The following ENKUR variants were observed in gnomAD, a reference collection of about 807,000 sequenced individuals.
The protein encoded by ENKUR is enkurin, TRPC channel interacting protein, also known as enkurin.
Under a neutral mutation model 27.6 loss-of-function variants are expected in ENKUR, and 19 were observed. The observed-to-expected ratio is 0.69, with a 90% confidence interval of 0.48 to 1.01. The LOEUF (loss-of-function observed/expected upper bound fraction) is 1.01. Ranked by LOEUF, ENKUR falls within the 50% of genes least tolerant of loss-of-function variation. ENKUR has a pLI of 0.00. For synonymous variants in ENKUR, 117 were observed against 96.9 expected (o/e 1.21, Z -1.22); for missense variants, 312 against 310.5 (o/e 1.00, Z -0.04).
chr10:25,039,868 C>T (rs1188100849), intron 2 of ENKUR, among the ~76,000 whole-genome samples: 3 of 151,002 alleles, frequency 2.0e-5, no homozygotes, highest in Non-Finnish European at 4.4e-5. Flanking sequence ...AGCATGGGTG[C>T]AGCACACCAA....
chr10:25,060,136 T>C (rs1851310069), intron 2 of ENKUR, among the ~76,000 whole-genome samples: 1 of 152,134 alleles, frequency 6.6e-6, no homozygotes. Flanking sequence ...TGTCTGTACG[T>C]CTGTACAAGG....
Position 24,988,664 on chromosome 10 carries a change from GTATATATATATATATATATATATATATA to G in ENKUR, c.594+1771_594+1798del, listed in dbSNP as rs66687937. Among the ~76,000 whole-genome samples, 128 of 98,878 alleles carry G rather than the reference GTATATATATATATATATATATATATATA, an allele frequency of 1.3e-3. 1 individual carries two copies. Among genetic ancestry groups the G allele is most frequent in the Middle Eastern group, 0.012 (2 of 166 alleles). 64.9% of individuals were successfully genotyped at this position (98,878 alleles called of 152,430 possible). ...GAAAATGTAGAGTGACACAGCATATGTATATATATATATATATATATATATATATATATATATATATATATATATATAT... is the reference window on the plus strand; with the variant it reads ...GAAAATGTAGAGTGACACAGCATATGTATATATATATATATATATATATAT... On this transcript the variant is annotated intron_variant, in intron 4 of 5. Transcript: ENST00000331161.
chr10:25,024,886 A>G, intron 2 of ENKUR: 1 of 1,613,994 alleles, frequency 6.2e-7, no homozygotes, highest in Non-Finnish European at 8.5e-7. Context: ...AAGGGAAAGA[A>G]AACTAGCACA....
At chr10:24,993,862 G>C (rs1849980717) in intron 3 of ENKUR, among the ~76,000 whole-genome samples, 1 of 152,184 alleles carries the variant, frequency 6.6e-6, no homozygotes, top group African/African-American at 2.4e-5. Flanking sequence ...CAGAGTGTGT[G>C]ACAGGTGGTG....
Position 25,033,847 on chromosome 10 carries a change from CT to C in ENKUR, c.37+27264del, listed in dbSNP as rs1488898754. Among the ~76,000 whole-genome samples, 770 of 151,692 alleles carry C rather than the reference CT, an allele frequency of 5.1e-3. 5 individuals carry two copies. The highest frequency in any genetic ancestry group is 0.018 in the African/African-American group (730 of 41,356). ...TGTGTCTATCTATCTATCTATCTAT[CT>C]ATCTATCTATCTATCTATCAATCAT... On this transcript the variant is annotated intron_variant, in intron 2 of 5. Coordinates refer to the ENKUR transcript ENST00000615958.
intron 1 of ENKUR, among the ~76,000 whole-genome samples, chr10:25,008,320 G>C (rs950584893): frequency 6.6e-6 from 1 of 152,134 alleles, no homozygotes; most frequent in Non-Finnish European, 1.5e-5. Flanking sequence ...TGTTTTCCTT[G>C]ATTAAATTCT....
At chr10:25,008,002 T>C (rs1259601220) in intron 1 of ENKUR, among the ~76,000 whole-genome samples, 1 of 148,364 alleles carries the variant, frequency 6.7e-6, no homozygotes, top group Non-Finnish European at 1.5e-5. Flanking sequence ...ATATATAATA[T>C]GAATAAATAT....
At chr10:25,031,340 T>A (rs1184933310) in intron 2 of ENKUR, among the ~76,000 whole-genome samples, 2 of 152,140 alleles carry the variant, frequency 1.3e-5, no homozygotes, top group Admixed American at 6.5e-5. Context: ...ACATTTTTTT[T>A]ATGTAAAGAT....
At chr10:25,012,735 C>G (rs558194746) in intron 1 of ENKUR, among the ~76,000 whole-genome samples, 6 of 152,284 alleles carry the variant, frequency 3.9e-5, no homozygotes, top group African/African-American at 1.4e-4. Flanking sequence ...TGCTTGTAGG[C>G]AGAAGGGACT....
intron 2 of ENKUR, among the ~76,000 whole-genome samples, chr10:25,049,346 A>G (rs1851157614): frequency 6.6e-6 from 1 of 152,186 alleles, no homozygotes; most frequent in African/African-American, 2.4e-5. Context: ...TCAGGAGGTA[A>G]TAAGTGAACA....
At chr10:25,040,122 G>A (rs1199546797) in intron 2 of ENKUR, among the ~76,000 whole-genome samples, 1 of 151,644 alleles carries the variant, frequency 6.6e-6, no homozygotes, top group East Asian at 1.9e-4. Context: ...ATAATTGCTG[G>A]GTCCCAAAAG....
intron 4 of ENKUR, among the ~76,000 whole-genome samples, chr10:24,986,727 G>A (rs1226060129): frequency 6.6e-6 from 1 of 152,092 alleles, no homozygotes. Flanking sequence ...ATAACGTTTG[G>A]ATCAAAGTCA....
intron 3 of ENKUR, among the ~76,000 whole-genome samples, chr10:24,992,054 G>A (rs1434938501): frequency 1.3e-5 from 2 of 152,252 alleles, no homozygotes; most frequent in African/African-American, 4.8e-5. Flanking sequence ...ACGACTGACA[G>A]TGAAGCCATC....
At chr10:25,061,879 A>G (rs1395514917) in intron 1 of ENKUR, among the ~76,000 whole-genome samples, 1 of 152,166 alleles carries the variant, frequency 6.6e-6, no homozygotes, top group Non-Finnish European at 1.5e-5. Flanking sequence ...CCAGCGATTC[A>G]CTGCTATGTT....
chr10:25,054,457 T>TTTTC (rs55635166), intron 2 of ENKUR, among the ~76,000 whole-genome samples: 14,173 of 100,606 alleles, frequency 0.14, 1,563 homozygotes, highest in Middle Eastern at 0.18. Flanking sequence ...GTTTTTTCTC[T>TTTTC]TTTCTTTCTT....
chr10:25,038,646 A>G (rs1362931329), intron 2 of ENKUR, among the ~76,000 whole-genome samples: 1 of 152,184 alleles, frequency 6.6e-6, no homozygotes, highest in Non-Finnish European at 1.5e-5. Context: ...GAAATCTGTT[A>G]TCTCTTTAAT....
rs1564350328 is a variant in ENKUR at position 25,024,557 on chromosome 10, A to G, written c.38-28688T>C. On this transcript the variant is annotated intron_variant, in intron 2 of 5. Transcript: ENST00000615958. ...TTTGATTTTTGCCAGACAGCTATAA[A>G]AAGAATTTTTAATGATTCTGATTTT... 4.3e-6 allele frequency: 7 copies of G among 1,614,166 alleles called. No individual in the cohort carries two copies. The highest frequency in any genetic ancestry group is 5.9e-6 in the Non-Finnish European group (7 of 1,180,024).
chr10:24,991,500 G>A (rs954876660), intron 3 of ENKUR, among the ~76,000 whole-genome samples: 10 of 151,930 alleles, frequency 6.6e-5, no homozygotes, highest in South Asian at 2.1e-4. Flanking sequence ...TGACAGGGGC[G>A]TGCCAACAAA....
At position 25,024,940 on chromosome 10, in the gene ENKUR, G is replaced by A. The variant is rs1383019279; in HGVS notation, c.38-29071C>T. ...AGATATTCTCAAATCTTCAAACCTAGAACGACATTTACACTTGATGGCTAA... is the reference window on the plus strand; with the variant it reads ...AGATATTCTCAAATCTTCAAACCTAAAACGACATTTACACTTGATGGCTAA... On this transcript the variant is annotated intron_variant, in intron 2 of 5. Transcript: ENST00000615958. 10 of 1,613,834 alleles carry A rather than the reference G, an allele frequency of 6.2e-6. No homozygotes were observed. The Admixed American group carries it at 8.3e-5, about 13-fold the overall frequency.
Sources: gnomAD v4.1 joint callset for allele counts (sites outside exome capture counted in the v4.1 genomes callset) on GRCh38, gnomAD v4.1.1 for gene constraint, MANE v1.5 for transcripts, NCBI Gene and HGNC (gene_info 2026-07-23, HGNC 2026-07-21) for gene names.